Variants in RICTOR observed in about 807,000 individuals in gnomAD.
The protein encoded by RICTOR is rapamycin-insensitive companion of mTOR.
RICTOR carries 49 observed loss-of-function variants against 214.9 expected under a neutral mutation model. The observed-to-expected ratio is 0.23, with a 90% confidence interval of 0.18 to 0.29. The LOEUF (loss-of-function observed/expected upper bound fraction) is 0.29, where lower values mean the gene tolerates loss of function less well. Ranked by LOEUF, RICTOR falls within the 10% of genes least tolerant of loss-of-function variation. RICTOR has a pLI of 1.00. For missense variants in RICTOR, 1,625 were observed against 2,047.0 expected, an observed-to-expected ratio of 0.79 and a Z score of 3.98; for synonymous variants, 717 against 711.3, an observed-to-expected ratio of 1.01 and a Z score of -0.13.
rs1032399455 is a variant in RICTOR, at chr5:38,941,512, A to ACTTTCATCATATATT, written c.*791_*792insAATATATGATGAAAG. 1 of 231,434 alleles carries ACTTTCATCATATATT rather than the reference A, an allele frequency of 4.3e-6. No homozygotes were observed. The highest frequency in any genetic ancestry group is 2.2e-5 in the African/African-American group (1 of 45,252). The allele number at this position is 231,434 out of a possible 1,614,324, so 14.3% of individuals were successfully genotyped here. ...GGAAAGTTGATGAAAGTGGAAGTCC[A>ACTTTCATCATATATT]TTGCAAATATATGCATTCTATAAAT... On this transcript the variant is annotated 3_prime_UTR_variant, in exon 38 of 38. Coordinates refer to ENST00000357387, the MANE Select transcript of RICTOR (RefSeq NM_152756.5).
chr5:39,066,072 T>G (rs1758884701), intron 2 of RICTOR, among the ~76,000 whole-genome samples: 2 of 152,204 alleles, frequency 1.3e-5, no homozygotes, highest in Non-Finnish European at 2.9e-5. Flanking sequence ...CTAATAGAGA[T>G]CCTCAATGAG....
Position 38,962,595 on chromosome 5 carries a change from A to G in RICTOR, c.1567-9T>C. On this transcript the variant is annotated splice_polypyrimidine_tract_variant and intron_variant, in intron 17 of 37. Coordinates refer to ENST00000357387, the MANE Select transcript of RICTOR (RefSeq NM_152756.5). ...AGAGCTTCCTCTGTATCCTAAAATC[A>G]TCAGAAAGTAATAAGAAAAATTAAG... 4 of 1,411,054 alleles carry G rather than the reference A, an allele frequency of 2.8e-6. No homozygotes were observed. The highest frequency in any genetic ancestry group is 3.9e-6 in the Non-Finnish European group (4 of 1,023,878). 87.4% of individuals were successfully genotyped at this position (1,411,054 alleles called of 1,614,324 possible).
In RICTOR at chr5:39,006,993, C is replaced by T. The variant is rs372378966; in HGVS notation, c.196-3371G>A. The stretch of plus-strand genomic sequence containing the variant: ...AAGTAGTTACAAATTTAAGAGAATG[C>T]GTTTTTATACATACATATTTAAAAT... On this transcript the variant is annotated intron_variant, in intron 3 of 37. Transcript: ENST00000357387. Among the ~76,000 whole-genome samples the T allele has an allele frequency of 4.5e-4, 69 of 152,064 alleles. 2 individuals are homozygous for T. Among genetic ancestry groups the T allele is most frequent in the South Asian group, 2.1e-3 (10 of 4,814 alleles).
chr5:38,972,509 C>G (rs1750870672), intron 10 of RICTOR, among the ~76,000 whole-genome samples: 1 of 152,124 alleles, frequency 6.6e-6, no homozygotes, highest in African/African-American at 2.4e-5. Flanking sequence ...ACACAAAGTG[C>G]TCAATATCAT....
chr5:39,053,199 TA>T (rs1757966173), intron 2 of RICTOR, among the ~76,000 whole-genome samples: 1 of 152,174 alleles, frequency 6.6e-6, no homozygotes, highest in Non-Finnish European at 1.5e-5. Flanking sequence ...ATGCTAACAG[TA>T]AAAAATAATA....
At chr5:39,018,219 A>T (rs1309430538) in intron 3 of RICTOR, among the ~76,000 whole-genome samples, 1 of 152,148 alleles carries the variant, frequency 6.6e-6, no homozygotes, top group African/African-American at 2.4e-5. Flanking sequence ...CTAGAGATCA[A>T]GTCAATATTT....
chr5:38,968,670 C>A (rs1055873413), intron 11 of RICTOR, among the ~76,000 whole-genome samples: 2 of 149,778 alleles, frequency 1.3e-5, no homozygotes, highest in Non-Finnish European at 3.0e-5. Context: ...TCGAGGAGTT[C>A]GAGGATGCAG....
At chr5:39,059,288 A>C (rs541621135) in intron 2 of RICTOR, among the ~76,000 whole-genome samples, 2 of 152,150 alleles carry the variant, frequency 1.3e-5, no homozygotes, top group African/African-American at 4.8e-5. Context: ...GCATGAGTAC[A>C]TTTTATAAAG....
rs1050685229 is a variant in RICTOR, at chr5:38,945,572, C to A, written c.4552G>T (p.Asp1518Tyr). The change falls in exon 34 of 38, where the codon GAT becomes TAT. Residue 1518 changes from aspartate to tyrosine, a missense_variant. By Grantham distance (160) the Asp-to-Tyr change is radical (BLOSUM62 -3). Around this residue, in one of 5 missense-constraint regions of RICTOR, gnomAD observed 1,214 missense variants for 1,470.5 expected, o/e 0.83. Coordinates refer to ENST00000357387, the MANE Select transcript of RICTOR (RefSeq NM_152756.5). Reference protein sequence around the residue: ...EDTGLQEHTDDNCLYCVCIEI... With the variant: ...EDTGLQEHTDYNCLYCVCIEI... ...ATACAGACACAATAAAGGCAGTTAT[C>A]ATCTGTATGTTCCTGTAGTCCAGTG... The A allele has an allele frequency of 6.2e-7, 1 of 1,614,044 alleles. No homozygotes were observed. Among genetic ancestry groups the A allele is most frequent in the South Asian group, 1.1e-5 (1 of 91,078 alleles).
intron 2 of RICTOR, among the ~76,000 whole-genome samples, chr5:39,046,809 G>GA (rs1041232752): frequency 5.3e-5 from 8 of 151,624 alleles, no homozygotes; most frequent in Admixed American, 1.3e-4. Flanking sequence ...GGTTGCCAGG[G>GA]AAAAAAAATG....
chr5:38,992,422 G>A (rs1752855971), intron 6 of RICTOR, among the ~76,000 whole-genome samples: 1 of 152,046 alleles, frequency 6.6e-6, no homozygotes, highest in South Asian at 2.1e-4. Context: ...CAAAATGCAT[G>A]TAATATATTC....
chr5:39,015,944 C>A (rs752357157), intron 3 of RICTOR, among the ~76,000 whole-genome samples: 2 of 152,232 alleles, frequency 1.3e-5, no homozygotes, highest in Non-Finnish European at 2.9e-5. Context: ...GGCTGCAAGT[C>A]TCCATCTGTT....
intron 36 of RICTOR, among the ~76,000 whole-genome samples, chr5:38,943,620 C>T (rs1747842963): frequency 6.6e-6 from 1 of 152,166 alleles, no homozygotes; most frequent in African/African-American, 2.4e-5. Context: ...TGAGACCAAC[C>T]TGGCTAACCT....
Position 38,942,332 on chromosome 5 carries a change from G to A in RICTOR, c.5099C>T (p.Pro1700Leu), listed in dbSNP as rs201229460. The A allele has an allele frequency of 1.3e-6, 2 of 1,598,030 alleles. No individual in the cohort carries two copies. Among genetic ancestry groups the A allele is most frequent in the Non-Finnish European group, 1.7e-6 (2 of 1,169,252 alleles). The change falls in exon 38 of 38, where the codon CCT (proline) becomes CTT (leucine). Residue 1700 changes from proline to leucine, a missense_variant. By Grantham distance (98) the Pro-to-Leu change is moderately conservative. Around this residue, in one of 5 missense-constraint regions of RICTOR, gnomAD observed 38 missense variants for 34.8 expected, o/e 1.09. Coordinates refer to ENST00000357387, the MANE Select transcript of RICTOR (RefSeq NM_152756.5). Reference sequence around the variant, plus strand: ...GGATTCAGCAGATGTATCAACTATAGGTTGCTTTGGTGGTGTTGCCAACAC... The same window carrying A: ...GGATTCAGCAGATGTATCAACTATAAGTTGCTTTGGTGGTGTTGCCAACAC... ...EAVLATPPKQPIVDTSAES is the reference protein window; with the variant it reads ...EAVLATPPKQLIVDTSAES
rs369774591 is a variant in RICTOR at position 38,950,058 on chromosome 5, T to C, written c.3790A>G (p.Ile1264Val). 2.5e-6 allele frequency: 4 copies of C among 1,612,870 alleles called. No individual in the cohort carries two copies. Among genetic ancestry groups the C allele is most frequent in the East Asian group, 2.2e-5 (1 of 44,862 alleles). Residue 1264 changes from isoleucine (I) to valine (V), a missense_variant, in exon 31 of 38, where the codon ATT (isoleucine) becomes GTT (valine). Coordinates refer to ENST00000357387, the MANE Select transcript of RICTOR (RefSeq NM_152756.5). ...GGCGTCAAATAGTGGCTTGTCTTAA[T>C]AGTTTTAGTACTTACCACAGTACTC... ...SMSTVVSTKTIKTSHYLTPQS... is the reference protein window; with the variant it reads ...SMSTVVSTKTVKTSHYLTPQS...
At chr5:39,010,535 A>G (rs1422880442) in intron 3 of RICTOR, among the ~76,000 whole-genome samples, 1 of 152,190 alleles carries the variant, frequency 6.6e-6, no homozygotes, top group Non-Finnish European at 1.5e-5. Context: ...AAAATGTGGG[A>G]AAGCTTGGAA....
At chr5:38,982,158 G>C in intron 7 of RICTOR, 122 bp from the exon 8 acceptor site, 1 of 641,522 alleles carries the variant, frequency 1.6e-6, no homozygotes, top group East Asian at 2.7e-5. Flanking sequence ...ACATTTATAA[G>C]AACAGGTAGA....
At chr5:39,002,994 G>A (rs1369615690) in intron 4 of RICTOR, among the ~76,000 whole-genome samples, 1 of 151,964 alleles carries the variant, frequency 6.6e-6, no homozygotes, top group Non-Finnish European at 1.5e-5. Flanking sequence ...TTTTCAAGCT[G>A]TACCATTTGT....
intron 31 of RICTOR, chr5:38,949,473 G>T: frequency 6.7e-7 from 1 of 1,485,806 alleles, no homozygotes. Flanking sequence ...TGACTTGTAT[G>T]TCCTTTGCAA....
Sources: gnomAD v4.1 joint callset for allele counts (sites outside exome capture counted in the v4.1 genomes callset) on GRCh38, gnomAD v4.1.1 for gene constraint, gnomAD v4.1.1 regional missense constraint, MANE v1.5 for transcripts, NCBI Gene and HGNC (gene_info 2026-07-23, HGNC 2026-07-21) for gene names.